The following LRRFIP1 variants were observed in gnomAD, a reference collection of about 807,000 sequenced individuals.
LRRFIP1 encodes the protein LRR binding FLII interacting protein 1, also known as leucine-rich repeat flightless-interacting protein 1.
Under a neutral mutation model 104.4 loss-of-function variants are expected in LRRFIP1, and 62 were observed. The ratio of observed to expected loss-of-function variants is 0.59; its 90% CI spans 0.48 to 0.73. The LOEUF (loss-of-function observed/expected upper bound fraction) is 0.73, where lower values mean the gene tolerates loss of function less well. Among genes scored for constraint, LRRFIP1 ranks in the 30% least tolerant of loss-of-function variants. The pLI is 0.00. For synonymous variants in LRRFIP1, 300 were observed against 299.0 expected, an observed-to-expected ratio of 1.00 and a Z score of -0.03; for missense variants, 796 against 824.5, an observed-to-expected ratio of 0.97 and a Z score of 0.42.
chr2:237,651,529 C>T (rs761102861), intron 1 of LRRFIP1, among the ~76,000 whole-genome samples: 118 of 152,300 alleles, frequency 7.7e-4, no homozygotes, highest in Non-Finnish European at 1.4e-3. Flanking sequence ...GAAGCTCCCT[C>T]CCTGCCATGT....
intron 1 of LRRFIP1, among the ~76,000 whole-genome samples, chr2:237,704,928 C>G (rs2093729212): frequency 6.6e-6 from 1 of 152,124 alleles, no homozygotes; most frequent in African/African-American, 2.4e-5. Context: ...GTTTTTTAGT[C>G]TTTAAATGTC....
intron 1 of LRRFIP1, among the ~76,000 whole-genome samples, chr2:237,706,713 A>T (rs2093829218): frequency 6.6e-6 from 1 of 152,090 alleles, no homozygotes; most frequent in East Asian, 1.9e-4. Flanking sequence ...CTACAGCCTC[A>T]ACTTCCCAGG....
At chr2:237,771,848 C>T (rs1301436210) in intron 20 of LRRFIP1, 2 of 500,892 alleles carry the variant, frequency 4.0e-6, no homozygotes, top group Admixed American at 3.2e-5. Flanking sequence ...GTACAGTCTC[C>T]TCCTGAGTCC....
chr2:237,653,225 T>A (rs1476448424), intron 1 of LRRFIP1, among the ~76,000 whole-genome samples: 3 of 151,870 alleles, frequency 2.0e-5, no homozygotes, highest in Non-Finnish European at 4.4e-5. Context: ...ATACACCCTG[T>A]CTCAAAAAAG....
intron 1 of LRRFIP1, among the ~76,000 whole-genome samples, chr2:237,690,430 C>T (rs1303603408): frequency 1.3e-5 from 2 of 152,168 alleles, no homozygotes; most frequent in African/African-American, 4.8e-5. Flanking sequence ...AATAATTGCA[C>T]TTTAAACAAT....
At chr2:237,768,929 G>T (rs1274271049) in intron 19 of LRRFIP1, 1 of 152,276 alleles carries the variant, frequency 6.6e-6, no homozygotes, top group African/African-American at 2.4e-5. Flanking sequence ...GTCAGGGTCT[G>T]ACTCGGGCGT....
intron 3 of LRRFIP1, among the ~76,000 whole-genome samples, chr2:237,715,795 A>AT (rs771887858): frequency 6.6e-5 from 10 of 152,136 alleles, no homozygotes; most frequent in Non-Finnish European, 1.2e-4. Context: ...CATGGTAGTG[A>AT]TTGACGTTTG....
At chr2:237,670,205 T>C (rs902308926) in intron 1 of LRRFIP1, among the ~76,000 whole-genome samples, 1 of 152,244 alleles carries the variant, frequency 6.6e-6, no homozygotes, top group Non-Finnish European at 1.5e-5. Flanking sequence ...CAGAAAGCAG[T>C]GTCGATCAAC....
intron 19 of LRRFIP1, chr2:237,762,965 A>T (rs765294472): frequency 6.2e-7 from 1 of 1,614,236 alleles, no homozygotes; most frequent in South Asian, 1.1e-5. Context: ...AGATGGTGGG[A>T]ACCACACAGA....
At chr2:237,677,705 G>A (rs1015309795) in intron 1 of LRRFIP1, among the ~76,000 whole-genome samples, 1 of 152,142 alleles carries the variant, frequency 6.6e-6, no homozygotes, top group African/African-American at 2.4e-5. Flanking sequence ...TCTTATCACT[G>A]TATTATCTGA....
rs769156778 is a variant in LRRFIP1, at chr2:237,765,262, T to TAA, written c.1460-4665_1460-4664dup. 2.1e-3 allele frequency: 259 copies of TAA among 124,702 alleles called. 2 individuals are homozygous for TAA. Among genetic ancestry groups the TAA allele is most frequent in the Middle Eastern group, 0.016 (4 of 244 alleles). The allele number at this position is 124,702 out of a possible 1,614,324, so 7.7% of individuals were successfully genotyped here. A position where few individuals can be genotyped will look rare whatever the true frequency, so the allele number is the denominator to read the frequency against. On this transcript the variant is annotated intron_variant, in intron 19 of 23. Transcript: ENST00000308482. ...TGGACAACAAGAGCGAAACTCTGTC[T>TAA]AAAAAAAAAAAAAAAAACACACACA...
intron 1 of LRRFIP1, among the ~76,000 whole-genome samples, chr2:237,647,702 C>A (rs140283949): frequency 1.4e-4 from 16 of 112,514 alleles, no homozygotes; most frequent in Non-Finnish European, 6.6e-5. Context: ...CCTGTCACCC[C>A]GTGGCCGGCC....
At chr2:237,750,859 A>G (rs1378847867) in intron 13 of LRRFIP1, among the ~76,000 whole-genome samples, 1 of 152,218 alleles carries the variant, frequency 6.6e-6, no homozygotes, top group East Asian at 1.9e-4. Context: ...CTTACTGTAC[A>G]TTGCACAGAG....
At chr2:237,704,117 TG>T (rs2093683085) in intron 1 of LRRFIP1, among the ~76,000 whole-genome samples, 1 of 150,226 alleles carries the variant, frequency 6.7e-6, no homozygotes, top group African/African-American at 2.4e-5. Context: ...GCAGTGTCTC[TG>T]GGGAAGAATT....
In LRRFIP1 at chr2:237,692,664, C is replaced by T. The variant is rs899917708; in HGVS notation, c.97-15880C>T. ...TGGCGGGACCCCAGCGCGGTGGGAG[C>T]GGGCGCAGTGGGCGCGGGTCCGTGA... On this transcript the variant is annotated intron_variant, in intron 1 of 23. Transcript: ENST00000308482. 1.3e-5 allele frequency: 15 copies of T among 1,162,060 alleles called. 1 individual carries two copies. The African/African-American group carries it at 1.6e-4, about 13-fold the overall frequency. 72.0% of individuals were successfully genotyped at this position (1,162,060 alleles called of 1,614,324 possible). A position where few individuals can be genotyped will look rare whatever the true frequency, so the allele number is the denominator to read the frequency against.
chr2:237,771,554 C>A (rs1314403047), intron 20 of LRRFIP1, among the ~76,000 whole-genome samples: 2 of 69,184 alleles, frequency 2.9e-5, no homozygotes, highest in Non-Finnish European at 5.4e-5. Flanking sequence ...GAACCAATCC[C>A]CCCCCCCCCC....
intron 1 of LRRFIP1, among the ~76,000 whole-genome samples, chr2:237,685,786 A>C (rs1244303889): frequency 6.6e-6 from 1 of 152,082 alleles, no homozygotes; most frequent in Non-Finnish European, 1.5e-5. Context: ...CCATCCTTAA[A>C]AACCGACAAA....
chr2:237,706,082 C>T (rs1271655563), intron 1 of LRRFIP1, among the ~76,000 whole-genome samples: 1 of 152,204 alleles, frequency 6.6e-6, no homozygotes, highest in Non-Finnish European at 1.5e-5. Context: ...ACAGTGGTGT[C>T]ATCCATTATG....
At position 237,691,180 on chromosome 2, in the gene LRRFIP1, A is replaced by C. The variant is rs2092729173; in HGVS notation, c.97-17364A>C. On this transcript the variant is annotated intron_variant, in intron 1 of 23. Transcript: ENST00000308482. The surrounding 1 kb of genome is among the most constrained non-coding windows in gnomAD (Gnocchi z 5.4). Reference sequence around the variant, plus strand: ...AAAATGTAAATGTGCTTTAAATTTTACATTTCCTGGCGTGGCCAGGACAGG... The same window carrying C: ...AAAATGTAAATGTGCTTTAAATTTTCCATTTCCTGGCGTGGCCAGGACAGG... Among the ~76,000 whole-genome samples, 1 of 152,178 alleles carries C rather than the reference A, an allele frequency of 6.6e-6. No individual in the cohort carries two copies. The highest frequency in any genetic ancestry group is 2.1e-4 in the South Asian group (1 of 4,834).
Sources: allele counts gnomAD v4.1 joint callset (sites outside exome capture counted in the v4.1 genomes callset), GRCh38; gene constraint gnomAD v4.1.1; non-coding constraint Gnocchi (gnomAD v3.1); transcripts MANE v1.5; gene names NCBI Gene and HGNC (gene_info 2026-07-23, HGNC 2026-07-21).